The following NBEAL1 variants were observed in gnomAD, a reference collection of about 807,000 sequenced individuals.
The protein encoded by NBEAL1 is neurobeachin-like protein 1.
In NBEAL1, 273 loss-of-function variants were observed where a neutral mutation model predicts 351.3. The ratio of observed to expected loss-of-function variants is 0.78; its 90% CI spans 0.70 to 0.86. The LOEUF is 0.86. Ranked by LOEUF, NBEAL1 falls within the 40% of genes least tolerant of loss-of-function variation. The pLI is 0.00. For missense variants in NBEAL1, 2,961 were observed against 3,201.3 expected (o/e 0.92, Z 1.81); for synonymous variants, 1,050 against 1,086.4 (o/e 0.97, Z 0.66).
At chr2:203,087,827 G>A (rs1282661564) in intron 10 of NBEAL1, among the ~76,000 whole-genome samples, 2 of 152,144 alleles carry the variant, frequency 1.3e-5, no homozygotes, top group African/African-American at 4.8e-5. Context: ...AGGCAAGCAG[G>A]CTGACTTTAA....
chr2:203,118,297 CTG>C (rs2062746233), intron 18 of NBEAL1, among the ~76,000 whole-genome samples: 1 of 141,426 alleles, frequency 7.1e-6, no homozygotes, highest in African/African-American at 2.5e-5. Flanking sequence ...AATATATACT[CTG>C]TGTTCAAATT....
intron 35 of NBEAL1, among the ~76,000 whole-genome samples, chr2:203,152,677 C>T (rs2063689199): frequency 6.6e-6 from 1 of 152,084 alleles, no homozygotes; most frequent in Admixed American, 6.5e-5. Flanking sequence ...TCCTTTATAA[C>T]TGTCTCACTT....
chr2:203,106,990 G>T (rs1361342837), intron 12 of NBEAL1, among the ~76,000 whole-genome samples: 1 of 152,078 alleles, frequency 6.6e-6, no homozygotes, highest in Non-Finnish European at 1.5e-5. Context: ...ATTCAAAATT[G>T]GCAGGAACTC....
rs2065919007 is a variant in NBEAL1, at chr2:203,218,360, A to C, written c.*1006A>C. On this transcript the variant is annotated 3_prime_UTR_variant, in exon 56 of 56. Coordinates refer to ENST00000683969, the MANE Select transcript of NBEAL1 (RefSeq NM_001378026.1). ...TGTTGTGGTTGATTATTAAGATCTT[A>C]AAGTAAAAGTCTGATTTATTTAATT... 1.3e-5 allele frequency: 2 copies of C among 152,142 alleles called. No homozygotes were observed. Among genetic ancestry groups the C allele is most frequent in the Admixed American group, 6.5e-5 (1 of 15,268 alleles). The allele number at this position is 152,142 out of a possible 1,614,324, so 9.4% of individuals were successfully genotyped here. A position where few individuals can be genotyped will look rare whatever the true frequency, so the allele number is the denominator to read the frequency against.
At chr2:203,036,155 G>A (rs1272907430) in intron 2 of NBEAL1, among the ~76,000 whole-genome samples, 2 of 149,240 alleles carry the variant, frequency 1.3e-5, no homozygotes, top group African/African-American at 2.4e-5. Flanking sequence ...TAGGCCAGAC[G>A]CTGGTGTTTC....
intron 31 of NBEAL1, among the ~76,000 whole-genome samples, chr2:203,139,073 T>A (rs1180877777): frequency 6.6e-6 from 1 of 152,084 alleles, no homozygotes. Flanking sequence ...ATATGTGCAG[T>A]TTAGGGCTTG....
At chr2:203,032,576 C>T (rs1209222442) in intron 2 of NBEAL1, among the ~76,000 whole-genome samples, 13 of 142,504 alleles carry the variant, frequency 9.1e-5, no homozygotes, top group African/African-American at 3.1e-4. Context: ...AGGAGAATGG[C>T]GTGAACCCGG....
At chr2:203,104,737 G>T (rs1345859230) in intron 12 of NBEAL1, among the ~76,000 whole-genome samples, 2 of 152,158 alleles carry the variant, frequency 1.3e-5, no homozygotes, top group African/African-American at 2.4e-5. Context: ...TGTAAGGCAG[G>T]TCTGGTAGTA....
At chr2:203,151,793 T>G (rs1021080996) in intron 35 of NBEAL1, among the ~76,000 whole-genome samples, 1 of 152,162 alleles carries the variant, frequency 6.6e-6, no homozygotes, top group African/African-American at 2.4e-5. Context: ...TTGATTGTAA[T>G]TTCTAAAAGA....
Position 203,197,293 on chromosome 2 carries a change from A to G in NBEAL1, c.7039-9A>G. The stretch of plus-strand genomic sequence containing the variant: ...CAGAACCAGCCACTAAACCTCTTTT[A>G]TTTTATAGGGGATTAGTGATGGTAT... On this transcript the variant is annotated splice_polypyrimidine_tract_variant and intron_variant, in intron 47 of 55. Transcript: ENST00000683969. 6.6e-7 allele frequency: 1 copy of G among 1,519,610 alleles called. No individual in the cohort carries two copies. The allele number at this position is 1,519,610 out of a possible 1,614,324, so 94.1% of individuals were successfully genotyped here. A position where few individuals can be genotyped will look rare whatever the true frequency, so the allele number is the denominator to read the frequency against.
intron 4 of NBEAL1, among the ~76,000 whole-genome samples, chr2:203,054,263 TA>T (rs920217537): frequency 2.0e-5 from 3 of 151,964 alleles, no homozygotes; most frequent in African/African-American, 7.3e-5. Flanking sequence ...CCGTCTCTAC[TA>T]AAAATACAAA....
In NBEAL1 at chr2:203,062,258, C is replaced by G. The variant is rs1436525010; in HGVS notation, c.515+4805C>G. On this transcript the variant is annotated intron_variant, in intron 6 of 55. Coordinates refer to ENST00000683969, the MANE Select transcript of NBEAL1 (RefSeq NM_001378026.1). This position sits in a 1 kb window ranked among gnomAD's most constrained non-coding sequence, Gnocchi z 4.2. ...CTGACTTGATCGTCAACATTCTGGT[C>G]TTCCCATTTGTTTTCTGTAGAAGCC... The G allele has an allele frequency of 2.2e-6, 1 of 460,048 alleles. No homozygotes were observed. The highest frequency in any genetic ancestry group is 4.4e-6 in the Non-Finnish European group (1 of 228,602). 28.5% of individuals were successfully genotyped at this position (460,048 alleles called of 1,614,324 possible).
intron 13 of NBEAL1, 33 bp downstream of exon 13, chr2:203,107,551 G>T: frequency 1.3e-6 from 2 of 1,536,328 alleles, no homozygotes; most frequent in South Asian, 2.4e-5. Context: ...GAGAATTTCT[G>T]TTAATATCCA....
chr2:203,135,169 CAA>C (rs780103072), intron 27 of NBEAL1, among the ~76,000 whole-genome samples: 14 of 87,868 alleles, frequency 1.6e-4, no homozygotes, highest in Admixed American at 2.4e-4. Flanking sequence ...GACCCTGTCT[CAA>C]AAAAAAAAAA....
chr2:203,163,001 A>G (rs1178280959), intron 36 of NBEAL1, among the ~76,000 whole-genome samples: 7 of 152,154 alleles, frequency 4.6e-5, no homozygotes, highest in Non-Finnish European at 2.9e-5. Context: ...TACTAAAAAT[A>G]CAAAAATTAG....
At chr2:203,030,047 GT>G (rs1461931856) in intron 2 of NBEAL1, among the ~76,000 whole-genome samples, 1 of 152,156 alleles carries the variant, frequency 6.6e-6, no homozygotes, top group East Asian at 1.9e-4. Context: ...ATCGATCAAG[GT>G]TTTAAAGGAT....
intron 2 of NBEAL1, among the ~76,000 whole-genome samples, chr2:203,026,183 T>C (rs773118972): frequency 1.1e-4 from 16 of 152,216 alleles, no homozygotes; most frequent in Non-Finnish European, 2.2e-4. Flanking sequence ...CTTCAGAATT[T>C]GGGGCTGAGA....
At chr2:203,131,238 C>T (rs1230939164) in intron 25 of NBEAL1, among the ~76,000 whole-genome samples, 1 of 152,048 alleles carries the variant, frequency 6.6e-6, no homozygotes, top group African/African-American at 2.4e-5. Flanking sequence ...TTTTTTGAGA[C>T]GGAGTCTCGC....
At chr2:203,194,307 A>G (rs1208222601) in intron 47 of NBEAL1, among the ~76,000 whole-genome samples, 1 of 152,240 alleles carries the variant, frequency 6.6e-6, no homozygotes, top group Non-Finnish European at 1.5e-5. Flanking sequence ...TGAGTAGTCT[A>G]GTAAAACAGG....
Sources: allele counts gnomAD v4.1 joint callset (sites outside exome capture counted in the v4.1 genomes callset), GRCh38; gene constraint gnomAD v4.1.1; non-coding constraint Gnocchi (gnomAD v3.1); transcripts MANE v1.5; gene names NCBI Gene and HGNC (gene_info 2026-07-23, HGNC 2026-07-21).